CWH43: variants seen among roughly 807,000 people sequenced by gnomAD.
The protein encoded by CWH43 is PGAP2-interacting protein.
Under a neutral mutation model 85.7 loss-of-function variants are expected in CWH43, and 91 were observed. The ratio of observed to expected loss-of-function variants is 1.06; its 90% CI spans 0.90 to 1.26. CWH43 has a LOEUF of 1.26. Among genes scored for constraint, CWH43 ranks in the 50% most tolerant of loss-of-function variants. The probability of loss-of-function intolerance (pLI) is 0.00; values close to 1 mark genes in which losing one functional copy is unlikely to be tolerated. For missense variants in CWH43, 869 were observed against 839.2 expected (o/e 1.04, Z -0.44); for synonymous variants, 323 against 293.6 (o/e 1.10, Z -1.02).
intron 11 of CWH43, among the ~76,000 whole-genome samples, chr4:49,032,362 C>T (rs1784124262): frequency 6.6e-6 from 1 of 152,132 alleles, no homozygotes; most frequent in Non-Finnish European, 1.5e-5. Context: ...GATGGTGTTT[C>T]CTTAGTGACA....
intron 14 of CWH43, 60 bp from the exon 15 acceptor site, chr4:49,050,634 T>G: frequency 7.2e-7 from 1 of 1,386,060 alleles, no homozygotes; most frequent in East Asian, 2.3e-5. Flanking sequence ...ATCACTTGGA[T>G]CTCGTTAGAT....
chr4:49,038,987 C>T (rs1033215821), intron 13 of CWH43, among the ~76,000 whole-genome samples: 3 of 150,794 alleles, frequency 2.0e-5, no homozygotes, highest in Non-Finnish European at 3.0e-5. Context: ...GAATCTGAGA[C>T]GTAGAGCTTG....
intron 13 of CWH43, among the ~76,000 whole-genome samples, chr4:49,039,544 T>G (rs1227995802): frequency 1.0e-4 from 15 of 149,672 alleles, no homozygotes; most frequent in Admixed American, 4.7e-4. Flanking sequence ...CATTCCATTT[T>G]CAACTTCATG....
At position 49,000,836 on chromosome 4, in the gene CWH43, A is replaced by G. The variant is rs540902279; in HGVS notation, c.802+2288A>G. ...TCTGGAGTATTAAATAGTAGCTTTA[A>G]AGACTCTAAGAAAAGCAGATTTAAG... On this transcript the variant is annotated intron_variant, in intron 6 of 15. Transcript: ENST00000226432. Among the ~76,000 whole-genome samples the G allele has an allele frequency of 4.3e-5, 4 of 92,442 alleles. No individual in the cohort carries two copies. The East Asian group carries it at 9.2e-4, about 21-fold the overall frequency. The allele number at this position is 92,442 out of a possible 152,430, so 60.6% of individuals were successfully genotyped here.
chr4:48,993,805 A>T (rs1325984291), intron 4 of CWH43, among the ~76,000 whole-genome samples: 3 of 152,206 alleles, frequency 2.0e-5, no homozygotes, highest in African/African-American at 7.2e-5. Context: ...CCCGGGCTGG[A>T]GTGCAGTGTC....
intron 12 of CWH43, 135 bp downstream of exon 12, chr4:49,032,850 GT>G: frequency 1.7e-6 from 2 of 1,143,320 alleles, no homozygotes; most frequent in East Asian, 5.1e-5. Flanking sequence ...TGCGTTGCTG[GT>G]TTTAAAAATC....
intron 12 of CWH43, among the ~76,000 whole-genome samples, chr4:49,033,875 C>A (rs1383675121): frequency 6.6e-6 from 1 of 152,126 alleles, no homozygotes; most frequent in Non-Finnish European, 1.5e-5. Flanking sequence ...GGCCACAGAA[C>A]TTTAAAGAGA....
chr4:49,026,053 C>T lies in CWH43; in HGVS notation c.1267-2576C>T, dbSNP rs185233635. On this transcript the variant is annotated intron_variant, in intron 9 of 15. Coordinates refer to ENST00000226432, the MANE Select transcript of CWH43 (RefSeq NM_025087.3). ...GCTGTGGGAGATGGGTGTGTGGATC[C>T]TAGGCCAATGGAGTTATGTTTCCAG... Among the ~76,000 whole-genome samples the T allele has an allele frequency of 2.9e-3, 442 of 152,090 alleles. 2 individuals are homozygous for T. The highest frequency in any genetic ancestry group is 0.01 in the African/African-American group (421 of 41,476).
chr4:49,045,775 G>T (rs1490204215), intron 14 of CWH43, among the ~76,000 whole-genome samples: 1 of 151,468 alleles, frequency 6.6e-6, no homozygotes, highest in African/African-American at 2.4e-5. Context: ...ACATTTATTG[G>T]GGGGGTACAA....
intron 15 of CWH43, among the ~76,000 whole-genome samples, chr4:49,051,283 G>A (rs1784789303): frequency 6.6e-6 from 1 of 152,136 alleles, no homozygotes; most frequent in Non-Finnish European, 1.5e-5. Context: ...TAACTTCACT[G>A]GGGTCACATG....
chr4:49,009,212 T>C (rs1400338669), intron 8 of CWH43, among the ~76,000 whole-genome samples: 1 of 152,200 alleles, frequency 6.6e-6, no homozygotes, highest in Non-Finnish European at 1.5e-5. Context: ...GTTGGATTCC[T>C]AGGTATTTTA....
chr4:49,042,203 C>A (rs761299571), intron 13 of CWH43, among the ~76,000 whole-genome samples: 2 of 152,106 alleles, frequency 1.3e-5, no homozygotes, highest in African/African-American at 2.4e-5. Context: ...TCACAGGTGG[C>A]AAATTGGTGC....
chr4:48,988,556 G>T lies in CWH43; in HGVS notation c.123G>T (p.Gly41=), dbSNP rs761404043. 73 of 1,613,278 alleles carry T rather than the reference G, an allele frequency of 4.5e-5. No individual in the cohort carries two copies. Among genetic ancestry groups the T allele is most frequent in the Admixed American group, 3.0e-4 (18 of 59,962 alleles). ...CTTTGCAAACACTAGAACTCACTGG[G>T]CTTGAAGGTTTTAGTATAGCATTTC... ...YFPLQTLELT[G]LEGFSIAFLS... The change falls in exon 2 of 16, where the codon GGG becomes GGT. Residue 41 remains glycine, a synonymous_variant. Transcript: ENST00000226432.
At chr4:49,028,498 A>C (rs1317564708) in intron 9 of CWH43, 131 bp from the exon 10 acceptor site, 2 of 599,906 alleles carry the variant, frequency 3.3e-6, no homozygotes, top group South Asian at 4.5e-5. Flanking sequence ...CATGGATTAA[A>C]TGTGGGAAAA....
chr4:49,029,103 GT>G (rs1187038260), intron 10 of CWH43, among the ~76,000 whole-genome samples: 3 of 152,182 alleles, frequency 2.0e-5, no homozygotes, highest in Non-Finnish European at 4.4e-5. Flanking sequence ...AGAATGGGTT[GT>G]AGGGAAAAGA....
intron 11 of CWH43, chr4:49,031,420 G>A (rs1784091827): frequency 6.5e-6 from 1 of 153,816 alleles, no homozygotes; most frequent in Non-Finnish European, 1.4e-5. Context: ...AGATATCATG[G>A]TGAGCAGGAC....
chr4:49,032,755 A>G, intron 12 of CWH43, 40 bp downstream of exon 12: 1 of 1,606,536 alleles, frequency 6.2e-7, no homozygotes, highest in Non-Finnish European at 8.5e-7. Flanking sequence ...ACAAATGCCA[A>G]GAAATGTTAT....
At chr4:48,997,709 T>C (rs1467981755) in intron 5 of CWH43, among the ~76,000 whole-genome samples, 1 of 152,174 alleles carries the variant, frequency 6.6e-6, no homozygotes, top group Admixed American at 6.6e-5. Context: ...GTTACTTACA[T>C]ACCCTTTCCC....
At chr4:49,009,203 T>C (rs183904458) in intron 8 of CWH43, among the ~76,000 whole-genome samples, 2 of 152,286 alleles carry the variant, frequency 1.3e-5, no homozygotes, top group Admixed American at 1.3e-4. Context: ...CTCTTTTAAG[T>C]TGGATTCCTA....
Sources: allele counts gnomAD v4.1 joint callset (sites outside exome capture counted in the v4.1 genomes callset), GRCh38; gene constraint gnomAD v4.1.1; transcripts MANE v1.5; gene names NCBI Gene and HGNC (gene_info 2026-07-23, HGNC 2026-07-21).